The following FOCAD variants were observed in gnomAD, a reference collection of about 807,000 sequenced individuals.
FOCAD encodes the protein KIAA1797.
FOCAD carries 198 observed loss-of-function variants against 225.6 expected under a neutral mutation model. That is an observed-to-expected ratio of 0.88 (90% CI 0.78 to 0.99). The LOEUF (loss-of-function observed/expected upper bound fraction) is 0.99. Ranked by LOEUF, FOCAD falls within the 50% of genes least tolerant of loss-of-function variation. The probability of loss-of-function intolerance (pLI) is 0.00; values close to 1 mark genes in which losing one functional copy is unlikely to be tolerated. For missense variants in FOCAD, 2,713 were observed against 2,123.6 expected, an observed-to-expected ratio of 1.28 and a Z score of -5.46; for synonymous variants, 897 against 755.0, an observed-to-expected ratio of 1.19 and a Z score of -3.08.
At position 20,948,305 on chromosome 9, in the gene FOCAD, T is replaced by A. The variant is rs1837375125; in HGVS notation, c.3710T>A (p.Val1237Asp). The change falls in exon 31 of 44, where the codon GTT becomes GAT. Residue 1237 changes from valine (V) to aspartate (D), a missense_variant. Physicochemically the swap from Val to Asp is radical, Grantham distance 152. Coordinates refer to ENST00000338382, the MANE Select transcript of FOCAD (RefSeq NM_001375567.1). Reference sequence around the variant, plus strand: ...TTTGCCCTGGCTTTAGGAAACATAGTTCATGGATTGTCTGTGTGTGGACAT... The same window carrying A: ...TTTGCCCTGGCTTTAGGAAACATAGATCATGGATTGTCTGTGTGTGGACAT... The part of the protein sequence containing the change: ...SGFALALGNI[V>D]HGLSVCGHGK... 6.2e-7 allele frequency: 1 copy of A among 1,612,106 alleles called. No homozygotes were observed. The highest frequency in any genetic ancestry group is 8.5e-7 in the Non-Finnish European group (1 of 1,178,742).
intron 21 of FOCAD, among the ~76,000 whole-genome samples, chr9:20,903,399 G>A (rs886780760): frequency 6.6e-6 from 1 of 151,860 alleles, no homozygotes; most frequent in African/African-American, 2.4e-5. Flanking sequence ...TTGACGTCGC[G>A]TCTGAGTAGG....
intron 41 of FOCAD, among the ~76,000 whole-genome samples, 198 bp downstream of exon 41, chr9:20,988,627 C>T (rs780522629): frequency 3.9e-5 from 6 of 151,976 alleles, no homozygotes; most frequent in Non-Finnish European, 7.4e-5. Flanking sequence ...ATTTTAGACA[C>T]ACTTAATGAT....
chr9:20,948,828 A>G (rs2132355779), intron 31 of FOCAD, 23 bp from the exon 32 acceptor site: 2 of 1,612,248 alleles, frequency 1.2e-6, no homozygotes, highest in Middle Eastern at 1.7e-4. Flanking sequence ...CCCTCTTTTC[A>G]TATTCTGATG....
chr9:20,707,064 G>C (rs1450845625), intron 1 of FOCAD, among the ~76,000 whole-genome samples: 1 of 152,174 alleles, frequency 6.6e-6, no homozygotes, highest in Non-Finnish European at 1.5e-5. Flanking sequence ...TTGAGGCTGG[G>C]AAATGTAATG....
intron 11 of FOCAD, among the ~76,000 whole-genome samples, chr9:20,799,763 C>G (rs1821578011): frequency 6.6e-6 from 1 of 152,096 alleles, no homozygotes; most frequent in African/African-American, 2.4e-5. Context: ...GATGGGTTTC[C>G]TGAGTACAGC....
chr9:20,702,826 G>A (rs1012789557), intron 1 of FOCAD, among the ~76,000 whole-genome samples: 2 of 152,146 alleles, frequency 1.3e-5, no homozygotes, highest in Non-Finnish European at 2.9e-5. Context: ...GTGTCTTGTG[G>A]AGTGCTTAGC....
At chr9:20,664,323 C>T (rs12337009) in intron 2 of FOCAD, among the ~76,000 whole-genome samples, 29,295 of 147,536 alleles carry the variant, frequency 0.2, 3,085 homozygotes, top group African/African-American at 0.26. Context: ...ACCATAGAAA[C>T]ACCTACTTTA....
chr9:20,775,675 TGTCCACA>T (rs995821243), intron 8 of FOCAD, among the ~76,000 whole-genome samples: 2 of 152,194 alleles, frequency 1.3e-5, no homozygotes, highest in Non-Finnish European at 2.9e-5. Flanking sequence ...GGGACTATTT[TGTCCACA>T]GTGGCATTCG....
chr9:20,910,970 T>G (rs1025337345), intron 22 of FOCAD, among the ~76,000 whole-genome samples: 5 of 152,140 alleles, frequency 3.3e-5, no homozygotes, highest in African/African-American at 9.7e-5. Flanking sequence ...AGAAGGTGCA[T>G]GTATTCTAGT....
At chr9:20,792,337 A>G (rs1274535246) in intron 11 of FOCAD, among the ~76,000 whole-genome samples, 1 of 152,214 alleles carries the variant, frequency 6.6e-6, no homozygotes, top group Non-Finnish European at 1.5e-5. Context: ...CTCACCTTCA[A>G]TGGAATAACT....
intron 15 of FOCAD, among the ~76,000 whole-genome samples, chr9:20,833,706 T>C (rs72703946): frequency 0.025 from 3,862 of 152,222 alleles, 73 homozygotes; most frequent in Non-Finnish European, 0.04. Context: ...AATTTGTCTC[T>C]GTAACAACTC....
chr9:20,763,263 A>G (rs966503443), intron 6 of FOCAD, among the ~76,000 whole-genome samples: 1 of 152,200 alleles, frequency 6.6e-6, no homozygotes. Flanking sequence ...GTAAACAGAA[A>G]TCCGTGGCCT....
chr9:20,744,281 C>T (rs1827868256), intron 5 of FOCAD, among the ~76,000 whole-genome samples: 1 of 152,144 alleles, frequency 6.6e-6, no homozygotes, highest in Admixed American at 6.6e-5. Context: ...GCCCAGACTT[C>T]TGCATTTTTA....
In FOCAD at chr9:20,917,657, A is replaced by G. The variant is rs146316499; in HGVS notation, c.2852+720A>G. Among the ~76,000 whole-genome samples the G allele has an allele frequency of 3.1e-3, 477 of 152,210 alleles. 1 individual carries two copies. The highest frequency in any genetic ancestry group is 5.6e-3 in the Non-Finnish European group (378 of 68,018). On this transcript the variant is annotated intron_variant, in intron 24 of 43. Transcript: ENST00000338382. ...TTTGACTCCTTTCTTTCTTGCCTCC[A>G]ACCAACACAGATATACCTTTGACCT...
At chr9:20,979,493 C>T (rs991265036) in intron 37 of FOCAD, among the ~76,000 whole-genome samples, 7 of 152,122 alleles carry the variant, frequency 4.6e-5, no homozygotes, top group South Asian at 2.1e-4. Flanking sequence ...TGTGCACCAC[C>T]GTGCCCATCT....
At chr9:20,924,728 A>C (rs1017386038) in intron 25 of FOCAD, among the ~76,000 whole-genome samples, 1 of 152,130 alleles carries the variant, frequency 6.6e-6, no homozygotes. Flanking sequence ...AAGTATATGG[A>C]ATCTAGAAGC....
At chr9:20,659,884 G>A (rs963058143) in intron 2 of FOCAD, among the ~76,000 whole-genome samples, 4 of 152,170 alleles carry the variant, frequency 2.6e-5, no homozygotes, top group South Asian at 2.1e-4. Flanking sequence ...CCATCGGAGT[G>A]GTGCAATGAG....
chr9:20,832,247 T>C (rs1043713949), intron 15 of FOCAD, among the ~76,000 whole-genome samples: 11 of 152,096 alleles, frequency 7.2e-5, no homozygotes, highest in Non-Finnish European at 1.6e-4. Flanking sequence ...CTTAACTGTT[T>C]TGAGGAATGC....
intron 15 of FOCAD, among the ~76,000 whole-genome samples, chr9:20,827,822 G>A (rs1005088094): frequency 3.9e-5 from 6 of 152,172 alleles, no homozygotes; most frequent in African/African-American, 1.4e-4. Flanking sequence ...GATATCGAAT[G>A]TAAAACATGA....
Sources: gnomAD v4.1 joint callset for allele counts (sites outside exome capture counted in the v4.1 genomes callset) on GRCh38, gnomAD v4.1.1 for gene constraint, MANE v1.5 for transcripts, NCBI Gene and HGNC (gene_info 2026-07-23, HGNC 2026-07-21) for gene names.